Variants in AKNA observed in about 807,000 individuals in gnomAD.
AKNA encodes the protein microtubule organization protein AKNA.
In AKNA, 67 loss-of-function variants were observed where a neutral mutation model predicts 138.8. The ratio of observed to expected loss-of-function variants is 0.48; its 90% CI spans 0.40 to 0.59. AKNA has a LOEUF of 0.59. Ranked by LOEUF, AKNA falls within the 20% of genes least tolerant of loss-of-function variation. AKNA has a pLI of 0.00. For missense variants in AKNA, 1,813 were observed against 1,880.4 expected (o/e 0.96, Z 0.66); for synonymous variants, 737 against 754.4 (o/e 0.98, Z 0.38).
Position 114,377,006 on chromosome 9 carries a change from A to T in AKNA, c.801T>A (p.Ala267=), listed in dbSNP as rs1327347137. The change falls in exon 3 of 22, where the codon GCT becomes GCA. Residue 267 remains alanine (A), a synonymous_variant. Coordinates refer to ENST00000374088, the MANE Select transcript of AKNA (RefSeq NM_001317950.2). ...CATGCTGCGGACTCTGGGCTGGGGGAGCTGAGGAGTCCTGGAATTCCATGG... is the reference window on the plus strand; with the variant it reads ...CATGCTGCGGACTCTGGGCTGGGGGTGCTGAGGAGTCCTGGAATTCCATGG... ...ATPMEFQDSS[A]PPAQSPQHAT... 1.9e-6 allele frequency: 3 copies of T among 1,613,252 alleles called. No homozygotes were observed. Among genetic ancestry groups the T allele is most frequent in the Non-Finnish European group, 2.5e-6 (3 of 1,179,858 alleles).
upstream of AKNA, among the ~76,000 whole-genome samples, chr9:114,396,269 C>A (rs933200944): frequency 1.3e-5 from 2 of 152,154 alleles, no homozygotes; most frequent in African/African-American, 4.8e-5. Flanking sequence ...GCTAATAATA[C>A]CAATGGTATT....
At chr9:114,347,389 T>G (rs983746996) in intron 16 of AKNA, among the ~76,000 whole-genome samples, 16 of 152,016 alleles carry the variant, frequency 1.1e-4, no homozygotes, top group Non-Finnish European at 1.5e-4. Context: ...CCAGCTAATT[T>G]TTGTGTTTTT....
rs377492573 is a variant in AKNA, at chr9:114,377,211, C to T, written c.596G>A (p.Arg199Lys). The T allele has an allele frequency of 6.8e-6, 11 of 1,614,208 alleles. No homozygotes were observed. Among genetic ancestry groups the T allele is most frequent in the African/African-American group, 1.3e-5 (1 of 75,058 alleles). The change falls in exon 3 of 22, where the codon AGG becomes AAG. Residue 199 changes from arginine (R) to lysine (K), a missense_variant. By Grantham distance (26) the Arg-to-Lys change is conservative. Transcript: ENST00000374088. ...GCTCACTGTCCCACTGCTCCAGGAC[C>T]TTGCCGGGCTGAGTTCAACGGATGG... ...VNPSVELSPA[R>K]SWSSGTVSLD...
chr9:114,337,006 GCCACCTGCCCAC>G lies in AKNA; in HGVS notation c.*36_*47del. The G allele has an allele frequency of 8.0e-7, 1 of 1,253,186 alleles. No homozygotes were observed. The highest frequency in any genetic ancestry group is 1.1e-6 in the Non-Finnish European group (1 of 939,418). 77.6% of individuals were successfully genotyped at this position (1,253,186 alleles called of 1,614,324 possible). On this transcript the variant is annotated 3_prime_UTR_variant, in exon 22 of 22. Coordinates refer to ENST00000374088, the MANE Select transcript of AKNA (RefSeq NM_001317950.2). ...CTCCAGCCCACTCCTGGCCTGGCAG[GCCACCTGCCCAC>G]CCACCCACCCATCTGCCTCTGGGCC...
At chr9:114,347,521 C>G (rs1194004177) in intron 16 of AKNA, among the ~76,000 whole-genome samples, 1 of 152,192 alleles carries the variant, frequency 6.6e-6, no homozygotes, top group Non-Finnish European at 1.5e-5. Flanking sequence ...CCGGCCTATT[C>G]TTTATTATTA....
chr9:114,375,413 A>G (rs1023502647), intron 3 of AKNA, among the ~76,000 whole-genome samples: 1 of 152,236 alleles, frequency 6.6e-6, no homozygotes, highest in East Asian at 1.9e-4. Flanking sequence ...CTTGAAAGGC[A>G]CCAAATGCAA....
At position 114,387,977 on chromosome 9, in the gene AKNA, C is replaced by T. The variant is rs1394271516; in HGVS notation, c.-231G>A. ...ATTGCGCCCTGGCCCACCTCCAGGC[C>T]GTTCTGCCAGCCCAAGCTGCTGCTC... On this transcript the variant is annotated 5_prime_UTR_variant, in exon 1 of 22. Coordinates refer to ENST00000374088, the MANE Select transcript of AKNA (RefSeq NM_001317950.2). 2.6e-5 allele frequency: 11 copies of T among 416,318 alleles called. No homozygotes were observed. The highest frequency in any genetic ancestry group is 1.3e-4 in the South Asian group (8 of 60,476). The allele number at this position is 416,318 out of a possible 1,614,324, so 25.8% of individuals were successfully genotyped here.
intron 21 of AKNA, among the ~76,000 whole-genome samples, chr9:114,338,337 C>G (rs1281446082): frequency 6.6e-6 from 1 of 152,220 alleles, no homozygotes; most frequent in Non-Finnish European, 1.5e-5. Flanking sequence ...AGTGAAACCA[C>G]TGCACACCCT....
intron 6 of AKNA, among the ~76,000 whole-genome samples, chr9:114,365,156 T>TA (rs61240216): frequency 0.033 from 5,004 of 152,274 alleles, 283 homozygotes; most frequent in African/African-American, 0.11. Flanking sequence ...TTCAAGAAAC[T>TA]AAAATATGAA....
chr9:114,356,721 A>G, intron 13 of AKNA, 142 bp downstream of exon 13: 1 of 748,252 alleles, frequency 1.3e-6, no homozygotes. Flanking sequence ...CACAGGAACA[A>G]GAAATCACGG....
At position 114,364,576 on chromosome 9, in the gene AKNA, G is replaced by A; in HGVS notation, c.1772C>T (p.Pro591Leu). 2 of 1,613,884 alleles carry A rather than the reference G, an allele frequency of 1.2e-6. No homozygotes were observed. The highest frequency in any genetic ancestry group is 1.7e-6 in the Non-Finnish European group (2 of 1,180,032). Residue 591 changes from proline (P) to leucine (L), a missense_variant, in exon 7 of 22, where the codon CCC becomes CTC. Transcript: ENST00000374088. ...ERLIQAGRLM[P>L]QDQVKGFQRL... ...GGGCAGTACCTTGACTTGGTCCTGG[G>A]GCATGAGACGTCCTGCCTGTATCAG...
intron 21 of AKNA, among the ~76,000 whole-genome samples, chr9:114,339,041 T>G (rs1487073728): frequency 6.6e-6 from 1 of 152,184 alleles, no homozygotes; most frequent in East Asian, 1.9e-4. Flanking sequence ...CTACAGAGGC[T>G]CCTCAAATTA....
At chr9:114,332,039 C>A, downstream of AKNA, 2 of 876,224 alleles carry the variant, frequency 2.3e-6, 1 homozygote, top group Admixed American at 4.6e-5. Flanking sequence ...CTAGGCAGAT[C>A]TTCTGCTTTT....
At chr9:114,398,263 C>T (rs1371063150), upstream of AKNA, among the ~76,000 whole-genome samples, 1 of 152,206 alleles carries the variant, frequency 6.6e-6, no homozygotes, top group Non-Finnish European at 1.5e-5. The surrounding 1 kb of genome is among the most constrained non-coding windows in gnomAD (Gnocchi z 4.2). Flanking sequence ...GATGCGTCTC[C>T]TTCCCCGTGC....
In AKNA at chr9:114,350,974, G is replaced by T. The variant is rs1253643607; in HGVS notation, c.3106C>A (p.Pro1036Thr). 3 of 1,613,638 alleles carry T rather than the reference G, an allele frequency of 1.9e-6. No homozygotes were observed. Among genetic ancestry groups the T allele is most frequent in the South Asian group, 2.2e-5 (2 of 91,048 alleles). Residue 1036 changes from proline (P) to threonine (T), a missense_variant, in exon 15 of 22, where the codon CCC becomes ACC. By Grantham distance (38) the Pro-to-Thr change is conservative (BLOSUM62 -1). Coordinates refer to ENST00000374088, the MANE Select transcript of AKNA (RefSeq NM_001317950.2). ...FEGHKRISEQ[P>T]LPNKTISPPP... ...GGGCTGATTGTCTTGTTGGGAAGGG[G>T]CTGTTCAGAAATCCGTTTGTGCCCC...
At chr9:114,353,713 T>C (rs113567954) in intron 14 of AKNA, among the ~76,000 whole-genome samples, 3 of 152,366 alleles carry the variant, frequency 2.0e-5, no homozygotes, top group African/African-American at 7.2e-5. Context: ...CCCATTATTG[T>C]AGGCTACAAA....
upstream of AKNA, among the ~76,000 whole-genome samples, chr9:114,396,292 ATTCC>A (rs1481712073): frequency 6.6e-6 from 1 of 152,174 alleles, no homozygotes; most frequent in Non-Finnish European, 1.5e-5. Flanking sequence ...TGTTGTCATT[ATTCC>A]TTCCTTTCTT....
At chr9:114,374,008 G>A (rs1187480548) in intron 4 of AKNA, 85 bp downstream of exon 4, 5 of 1,382,064 alleles carry the variant, frequency 3.6e-6, no homozygotes, top group Non-Finnish European at 4.0e-6. Context: ...GATGGAGGAG[G>A]CAGTGGCCTT....
At chr9:114,351,914 T>TA (rs2131854629) in intron 14 of AKNA, among the ~76,000 whole-genome samples, 1 of 152,304 alleles carries the variant, frequency 6.6e-6, no homozygotes, top group South Asian at 2.1e-4. Flanking sequence ...AGCTAACTAT[T>TA]AATACACAGA....
Sources: allele counts gnomAD v4.1 joint callset (sites outside exome capture counted in the v4.1 genomes callset), GRCh38; gene constraint gnomAD v4.1.1; non-coding constraint Gnocchi (gnomAD v3.1); transcripts MANE v1.5; gene names NCBI Gene and HGNC (gene_info 2026-07-23, HGNC 2026-07-21).